RALGAPA2: variants seen among roughly 807,000 people sequenced by gnomAD.
RALGAPA2 encodes the protein ral GTPase-activating protein subunit alpha-2.
In RALGAPA2, 139 loss-of-function variants were observed where a neutral mutation model predicts 230.4. The observed-to-expected ratio is 0.60, with a 90% CI of 0.53 to 0.69. The LOEUF is 0.69. RALGAPA2 is among the 30% of genes least tolerant of loss of function. The pLI is 0.00. For missense variants in RALGAPA2, 2,163 were observed against 2,276.0 expected (o/e 0.95, Z 1.01); for synonymous variants, 847 against 837.8 (o/e 1.01, Z -0.19).
At chr20:20,462,862 G>A (rs1292463705) in intron 37 of RALGAPA2, among the ~76,000 whole-genome samples, 1 of 152,200 alleles carries the variant, frequency 6.6e-6, no homozygotes, top group Non-Finnish European at 1.5e-5. Context: ...CCTTTTTAGA[G>A]ATTTGAATAA....
chr20:20,402,245 G>A (rs1397858555), intron 38 of RALGAPA2, among the ~76,000 whole-genome samples: 3 of 152,236 alleles, frequency 2.0e-5, no homozygotes, highest in Non-Finnish European at 4.4e-5. Context: ...GGGAAAGTGT[G>A]CAGTAAACTG....
chr20:20,575,602 C>G (rs969933890), intron 20 of RALGAPA2, among the ~76,000 whole-genome samples: 2 of 152,140 alleles, frequency 1.3e-5, no homozygotes, highest in African/African-American at 4.8e-5. Flanking sequence ...AGAGCTCTAA[C>G]TAGTTCTTAA....
intron 16 of RALGAPA2, among the ~76,000 whole-genome samples, chr20:20,600,868 G>A (rs912279417): frequency 1.3e-5 from 2 of 152,198 alleles, no homozygotes; most frequent in Non-Finnish European, 2.9e-5. Flanking sequence ...TTGGGAGGCC[G>A]AGGCGGGCAG....
chr20:20,396,052 A>C (rs970790900), intron 39 of RALGAPA2, among the ~76,000 whole-genome samples: 15 of 152,324 alleles, frequency 9.8e-5, no homozygotes, highest in Admixed American at 9.1e-4. Context: ...GCTGCCATCC[A>C]TCAGAGCGCT....
chr20:20,429,728 T>C (rs1160183771), intron 37 of RALGAPA2, among the ~76,000 whole-genome samples: 2 of 152,246 alleles, frequency 1.3e-5, no homozygotes, highest in Non-Finnish European at 2.9e-5. Context: ...AGTCGTGACA[T>C]GCTTCAACAC....
chr20:20,438,097 T>G (rs895793857), intron 37 of RALGAPA2, among the ~76,000 whole-genome samples: 2 of 152,238 alleles, frequency 1.3e-5, no homozygotes, highest in African/African-American at 4.8e-5. Context: ...AAGCACATCT[T>G]CATTCTCACT....
intron 27 of RALGAPA2, among the ~76,000 whole-genome samples, chr20:20,526,710 C>T (rs948353757): frequency 1.3e-5 from 2 of 152,216 alleles, no homozygotes; most frequent in African/African-American, 2.4e-5. Flanking sequence ...CCCCCATACA[C>T]TGAACCTTTT....
At chr20:20,393,405 T>C (rs1241101984) in intron 39 of RALGAPA2, among the ~76,000 whole-genome samples, 152 bp from the exon 40 acceptor site, 1 of 152,242 alleles carries the variant, frequency 6.6e-6, no homozygotes, top group African/African-American at 2.4e-5. Context: ...GCAAAGATGT[T>C]TGTTGAATGA....
chr20:20,584,757 G>A (rs2065082834), intron 19 of RALGAPA2, 108 bp downstream of exon 19: 2 of 880,582 alleles, frequency 2.3e-6, no homozygotes, highest in Non-Finnish European at 3.4e-6. Context: ...CTCCAGCCTG[G>A]GCGAAAGAGT....
intron 36 of RALGAPA2, among the ~76,000 whole-genome samples, chr20:20,492,203 G>A (rs1293234096): frequency 1.3e-5 from 2 of 152,132 alleles, no homozygotes; most frequent in African/African-American, 4.8e-5. Flanking sequence ...GTGTACTGAT[G>A]AGGTTTTTTT....
intron 31 of RALGAPA2, among the ~76,000 whole-genome samples, chr20:20,516,879 T>G (rs1414479917): frequency 6.6e-6 from 1 of 152,110 alleles, no homozygotes; most frequent in Non-Finnish European, 1.5e-5. Context: ...ACAAAAGAAT[T>G]TGGACAGCAG....
At position 20,560,238 on chromosome 20, in the gene RALGAPA2, C is replaced by T. The variant is rs144805372; in HGVS notation, c.3156+11220G>A. Among the ~76,000 whole-genome samples the T allele has an allele frequency of 3.8e-3, 578 of 152,232 alleles. 2 individuals are homozygous for T. The highest frequency in any genetic ancestry group is 0.013 in the African/African-American group (545 of 41,542). On this transcript the variant is annotated intron_variant, in intron 23 of 39. Transcript: ENST00000202677. The stretch of plus-strand genomic sequence containing the variant: ...GTCTTGATGAAGGGACCATGCTGCA[C>T]GTGTTCAACTAGACTCCAGCACACA...
At chr20:20,432,541 C>A (rs1437450517) in intron 37 of RALGAPA2, among the ~76,000 whole-genome samples, 3 of 152,102 alleles carry the variant, frequency 2.0e-5, no homozygotes, top group African/African-American at 7.2e-5. Context: ...CACCTAATCC[C>A]CCTGAGTGGA....
chr20:20,628,312 T>C (rs1482736807), intron 10 of RALGAPA2, among the ~76,000 whole-genome samples: 2 of 152,222 alleles, frequency 1.3e-5, no homozygotes, highest in Non-Finnish European at 2.9e-5. Flanking sequence ...TCTAAGACTC[T>C]TCTTCTCCTC....
chr20:20,420,004 T>C (rs1050063088), intron 37 of RALGAPA2, among the ~76,000 whole-genome samples: 5 of 152,068 alleles, frequency 3.3e-5, no homozygotes, highest in Non-Finnish European at 4.4e-5. Context: ...CAAACTGTCA[T>C]TATGTCAGTA....
intron 37 of RALGAPA2, among the ~76,000 whole-genome samples, chr20:20,468,039 C>T (rs186998634): frequency 2.7e-4 from 41 of 152,048 alleles, no homozygotes; most frequent in African/African-American, 9.2e-4. Flanking sequence ...TTCTTTTTTC[C>T]CTCCCATTCT....
At chr20:20,600,897 C>T (rs1278358685) in intron 16 of RALGAPA2, among the ~76,000 whole-genome samples, 3 of 152,118 alleles carry the variant, frequency 2.0e-5, no homozygotes, top group African/African-American at 7.2e-5. Context: ...GTCAGGAATT[C>T]GAGACCAGCC....
At chr20:20,583,298 C>G in intron 19 of RALGAPA2, 72 bp from the exon 20 acceptor site, 1 of 1,416,252 alleles carries the variant, frequency 7.1e-7, no homozygotes, top group Admixed American at 2.1e-5. Flanking sequence ...ATTACTGATA[C>G]GAAAGTAACT....
intron 37 of RALGAPA2, among the ~76,000 whole-genome samples, chr20:20,428,373 CT>C (rs1308836291): frequency 6.6e-6 from 1 of 152,094 alleles, no homozygotes; most frequent in African/African-American, 2.4e-5. Context: ...TCAAATCATT[CT>C]CTTGCAAATT....
Sources: gnomAD v4.1 joint callset for allele counts (sites outside exome capture counted in the v4.1 genomes callset) on GRCh38, gnomAD v4.1.1 for gene constraint, MANE v1.5 for transcripts, NCBI Gene and HGNC (gene_info 2026-07-23, HGNC 2026-07-21) for gene names.